PCLO: variants seen among roughly 807,000 people sequenced by gnomAD.
The protein encoded by PCLO is piccolo presynaptic cytomatrix protein, also known as protein piccolo.
A neutral mutation model predicts 427.5 loss-of-function variants in PCLO; 82 were observed. The observed-to-expected ratio is 0.19, with a 90% CI of 0.16 to 0.23. The LOEUF (loss-of-function observed/expected upper bound fraction) is 0.23. Ranked by LOEUF, PCLO falls within the 10% of genes least tolerant of loss-of-function variation. The probability of loss-of-function intolerance (pLI) is 1.00; values close to 1 mark genes in which losing one functional copy is unlikely to be tolerated. For missense variants in PCLO, 6,239 were observed against 6,115.9 expected, an observed-to-expected ratio of 1.02 and a Z score of -0.67; for synonymous variants, 2,357 against 2,155.4, an observed-to-expected ratio of 1.09 and a Z score of -2.59.
chr7:82,924,844 TA>T (rs1455629988), intron 6 of PCLO, among the ~76,000 whole-genome samples: 2 of 151,950 alleles, frequency 1.3e-5, no homozygotes, highest in African/African-American at 2.4e-5. Flanking sequence ...TTTGATAGCT[TA>T]AAAAAAGTTA....
chr7:82,985,579 G>C (rs1217401361), intron 3 of PCLO, among the ~76,000 whole-genome samples: 2 of 151,822 alleles, frequency 1.3e-5, no homozygotes, highest in Admixed American at 6.6e-5. Context: ...CTTGCTTTCT[G>C]TGATGTCTAC....
At position 82,755,214 on chromosome 7, in the gene PCLO, A is replaced by T. The variant is rs1468104144; in HGVS notation, c.*3361T>A. 6.6e-6 allele frequency: 1 copy of T among 152,142 alleles called. No homozygotes were observed. The highest frequency in any genetic ancestry group is 1.5e-5 in the Non-Finnish European group (1 of 68,010). 9.4% of individuals were successfully genotyped at this position (152,142 alleles called of 1,614,324 possible). On this transcript the variant is annotated 3_prime_UTR_variant, in exon 25 of 25. Coordinates refer to ENST00000333891, the MANE Select transcript of PCLO (RefSeq NM_033026.6). The stretch of plus-strand genomic sequence containing the variant: ...GACTATTTAAATGTGTGTGATCCAC[A>T]AAATTAATTCCACTGGTATGCTGAA...
intron 10 of PCLO, among the ~76,000 whole-genome samples, chr7:82,878,549 ACTAT>A (rs1793428228): frequency 6.6e-6 from 1 of 152,196 alleles, no homozygotes; most frequent in South Asian, 2.1e-4. Context: ...AAATGACCAT[ACTAT>A]CTGATTGACA....
At chr7:82,916,945 T>C in intron 6 of PCLO, 72 bp from the exon 7 acceptor site, 1 of 1,000,892 alleles carries the variant, frequency 1.0e-6, no homozygotes, top group Non-Finnish European at 1.4e-6. Flanking sequence ...TTCCATGAAT[T>C]ATATTTAATA....
chr7:83,132,371 C>T (rs1791596509), intron 3 of PCLO, among the ~76,000 whole-genome samples: 1 of 152,182 alleles, frequency 6.6e-6, no homozygotes, highest in Non-Finnish European at 1.5e-5. Context: ...TGTCTAAATA[C>T]TTGAGACAAT....
chr7:82,770,085 T>A (rs1321272831), intron 22 of PCLO, among the ~76,000 whole-genome samples: 1 of 152,082 alleles, frequency 6.6e-6, no homozygotes, highest in Non-Finnish European at 1.5e-5. Flanking sequence ...AATTTGATTT[T>A]CCTTCCTTTT....
At chr7:82,882,077 C>T (rs1182559798) in intron 9 of PCLO, among the ~76,000 whole-genome samples, 3 of 152,016 alleles carry the variant, frequency 2.0e-5, no homozygotes, top group Non-Finnish European at 4.4e-5. Flanking sequence ...TGCTTCTACC[C>T]TAATTTGAAT....
At chr7:82,805,618 G>C in intron 21 of PCLO, 70 bp downstream of exon 21, 1 of 1,448,586 alleles carries the variant, frequency 6.9e-7, no homozygotes, top group South Asian at 1.2e-5. Flanking sequence ...GTTATTTCCT[G>C]TTAACTGTTG....
chr7:82,843,515 A>G (rs1207078360), intron 13 of PCLO, among the ~76,000 whole-genome samples: 1 of 152,158 alleles, frequency 6.6e-6, no homozygotes, highest in Non-Finnish European at 1.5e-5. Flanking sequence ...TATATTCTTC[A>G]AAATTGTGAA....
intron 3 of PCLO, among the ~76,000 whole-genome samples, chr7:83,022,754 A>C (rs1193754794): frequency 1.3e-5 from 2 of 152,172 alleles, no homozygotes; most frequent in Non-Finnish European, 2.9e-5. Flanking sequence ...TTAAATTAGA[A>C]AAGGTTATAG....
intron 3 of PCLO, among the ~76,000 whole-genome samples, chr7:83,076,856 C>T (rs1266917917): frequency 6.6e-6 from 1 of 151,788 alleles, no homozygotes; most frequent in African/African-American, 2.4e-5. Context: ...AGCTCTTAAA[C>T]CTCTATTTAT....
At chr7:83,128,762 C>T (rs1463871926) in intron 3 of PCLO, among the ~76,000 whole-genome samples, 3 of 152,038 alleles carry the variant, frequency 2.0e-5, no homozygotes, top group African/African-American at 4.8e-5. Context: ...ATGTTTTACA[C>T]ACTCATACTC....
At chr7:83,014,648 G>C (rs972745121) in intron 3 of PCLO, among the ~76,000 whole-genome samples, 1 of 151,900 alleles carries the variant, frequency 6.6e-6, no homozygotes, top group Admixed American at 6.6e-5. Flanking sequence ...GCTCATCTAA[G>C]CACCAAGCAG....
intron 6 of PCLO, among the ~76,000 whole-genome samples, chr7:82,943,655 G>T (rs889404751): frequency 1.3e-5 from 2 of 151,994 alleles, no homozygotes; most frequent in Admixed American, 6.6e-5. Context: ...TGATCATCTG[G>T]GGTAGGATGT....
At chr7:83,154,186 C>G (rs563504525) in intron 2 of PCLO, among the ~76,000 whole-genome samples, 70 of 152,162 alleles carry the variant, frequency 4.6e-4, no homozygotes, top group Non-Finnish European at 8.5e-4. Context: ...TCTGAACCTG[C>G]TCTAACAACT....
At chr7:82,878,652 T>A (rs561840316) in intron 10 of PCLO, among the ~76,000 whole-genome samples, 1 of 152,184 alleles carries the variant, frequency 6.6e-6, no homozygotes, top group African/African-American at 2.4e-5. Context: ...TGGCCCATTA[T>A]CTCCTACTCT....
chr7:82,975,380 T>G (rs1026244052), intron 3 of PCLO, among the ~76,000 whole-genome samples: 2 of 152,170 alleles, frequency 1.3e-5, no homozygotes. Context: ...CTTATAAATT[T>G]AAGCCTCATT....
chr7:82,906,006 T>TATAG (rs35608595), intron 8 of PCLO, among the ~76,000 whole-genome samples: 42,521 of 146,518 alleles, frequency 0.29, 6,238 homozygotes, highest in East Asian at 0.5. Flanking sequence ...AGGTTAAGCA[T>TATAG]ATAGATAGAT....
Position 82,950,400 on chromosome 7 carries a change from T to A in PCLO, c.10188A>T (p.Glu3396Asp), listed in dbSNP as rs1160951087. The change falls in exon 6 of 25, where the codon GAA (glutamate) becomes GAT (aspartate). Residue 3396 changes from glutamate (E) to aspartate (D), a missense_variant. Physicochemically the swap from Glu to Asp is conservative, Grantham distance 45 (BLOSUM62 2). Around this residue, in one of 5 missense-constraint regions of PCLO, gnomAD observed 4,677 missense variants for 4,468.4 expected, o/e 1.05. Coordinates refer to ENST00000333891, the MANE Select transcript of PCLO (RefSeq NM_033026.6). ...TCACAACAACATCTGTTAGAGGTAT[T>A]TCTGAAACAGTGCTCAGGATACCAG... is the stretch of plus-strand genomic sequence containing the variant. ...APPGILSTVS[E>D]IPLTDVVVKE... is the part of the protein sequence containing the mutation. 1 of 1,613,788 alleles carries A rather than the reference T, an allele frequency of 6.2e-7. No individual in the cohort carries two copies. Among genetic ancestry groups the A allele is most frequent in the Non-Finnish European group, 8.5e-7 (1 of 1,179,838 alleles).
Sources: gnomAD v4.1 joint callset for allele counts (sites outside exome capture counted in the v4.1 genomes callset) on GRCh38, gnomAD v4.1.1 for gene constraint, gnomAD v4.1.1 regional missense constraint, MANE v1.5 for transcripts, NCBI Gene and HGNC (gene_info 2026-07-23, HGNC 2026-07-21) for gene names.